Variants in SLC24A2 observed in about 807,000 individuals in gnomAD.
The protein encoded by SLC24A2 is solute carrier family 24 member 2.
A neutral mutation model predicts 62.0 loss-of-function variants in SLC24A2; 36 were observed. That is an observed-to-expected ratio of 0.58 (90% CI 0.44 to 0.77). SLC24A2 has a LOEUF of 0.77. Ranked by LOEUF, SLC24A2 falls within the 30% of genes least tolerant of loss-of-function variation. The pLI, the probability that SLC24A2 is intolerant of heterozygous loss-of-function variation, is 0.00. For missense variants in SLC24A2, 846 were observed against 817.9 expected (o/e 1.03, Z -0.42); for synonymous variants, 358 against 294.0 (o/e 1.22, Z -2.23).
the SLC24A2 span, among the ~76,000 whole-genome samples, chr9:20,274,337 C>T: frequency 2.0e-5 from 3 of 152,000 alleles, no homozygotes; most frequent in African/African-American, 7.2e-5. Context: ...GGTGAGGAGC[C>T]AAGATTATGA....
the SLC24A2 span, among the ~76,000 whole-genome samples, chr9:20,232,179 T>C: frequency 3.3e-5 from 5 of 152,220 alleles, no homozygotes; most frequent in African/African-American, 1.2e-4. Flanking sequence ...TCATCAAGGA[T>C]ATTGGTCTAA....
At chr9:19,874,081 T>C in the SLC24A2 span, among the ~76,000 whole-genome samples, 2,965 of 129,718 alleles carry the variant, frequency 0.023, 46 homozygotes, top group African/African-American at 0.09. Context: ...TTTTCTTTTT[T>C]TTTTTTTTTT....
intron 2 of SLC24A2, among the ~76,000 whole-genome samples, chr9:19,669,539 T>C (rs1312748639): frequency 6.6e-6 from 1 of 152,242 alleles, no homozygotes; most frequent in Non-Finnish European, 1.5e-5. Flanking sequence ...GAATCTTACA[T>C]GGATCTCACT....
chr9:19,871,087 G>A, the SLC24A2 span, among the ~76,000 whole-genome samples: 1 of 151,952 alleles, frequency 6.6e-6, no homozygotes, highest in South Asian at 2.1e-4. Flanking sequence ...AGACACCTGT[G>A]TTTTTTCCAA....
the SLC24A2 span, among the ~76,000 whole-genome samples, chr9:19,871,698 T>C: frequency 1.2e-4 from 19 of 152,306 alleles, no homozygotes; most frequent in African/African-American, 3.8e-4. Flanking sequence ...TGTTTTACTT[T>C]GTGTAAAAAT....
In SLC24A2 at chr9:19,573,427, A is replaced by T. The variant is rs577006131; in HGVS notation, c.1271T>A (p.Met424Lys). 8.1e-6 allele frequency: 13 copies of T among 1,612,838 alleles called. No individual in the cohort carries two copies. The highest frequency in any genetic ancestry group is 9.3e-6 in the Non-Finnish European group (11 of 1,179,418). ...TTCTGAAGCATCACTGGATGGTGTC[A>T]TTTCAACATCTGTGCTGGTGCTGTT... ...LPNSTSTDVE[M>K]TPSSDASEPV... is the part of the protein sequence containing the mutation. The change falls in exon 7 of 11, where the codon ATG becomes AAG. Residue 424 changes from methionine to lysine, a missense_variant. By Grantham distance (95) the Met-to-Lys change is moderately conservative. Coordinates refer to ENST00000341998, the MANE Select transcript of SLC24A2 (RefSeq NM_020344.4).
intron 9 of SLC24A2, among the ~76,000 whole-genome samples, chr9:19,522,229 G>A (rs1833238624): frequency 6.6e-6 from 1 of 152,038 alleles, no homozygotes; most frequent in Non-Finnish European, 1.5e-5. Context: ...TGAACTCTCG[G>A]CCTCGAGATC....
the SLC24A2 span, among the ~76,000 whole-genome samples, chr9:20,098,822 C>G: frequency 1.3e-5 from 2 of 152,226 alleles, no homozygotes; most frequent in South Asian, 2.1e-4. Flanking sequence ...GGAAAAATCT[C>G]TCACAGTTTC....
At chr9:19,974,940 C>A in the SLC24A2 span, among the ~76,000 whole-genome samples, 1 of 152,164 alleles carries the variant, frequency 6.6e-6, no homozygotes, top group Non-Finnish European at 1.5e-5. Context: ...ACTCATATGG[C>A]AGTGTCCTAA....
the SLC24A2 span, among the ~76,000 whole-genome samples, chr9:19,891,799 C>T: frequency 6.6e-6 from 1 of 152,082 alleles, no homozygotes; most frequent in East Asian, 1.9e-4. Context: ...GAGAGCTGAA[C>T]TAAGAGAGCA....
At chr9:19,873,353 T>A in the SLC24A2 span, among the ~76,000 whole-genome samples, 1 of 151,642 alleles carries the variant, frequency 6.6e-6, no homozygotes, top group African/African-American at 2.4e-5. Context: ...TTCCTTTCTT[T>A]CCTTCCTTCT....
chr9:19,998,011 C>T, the SLC24A2 span, among the ~76,000 whole-genome samples: 1 of 152,096 alleles, frequency 6.6e-6, no homozygotes, highest in African/African-American at 2.4e-5. Flanking sequence ...AAAGCCAATA[C>T]TATTAAGGAT....
the SLC24A2 span, among the ~76,000 whole-genome samples, chr9:19,829,795 G>A: frequency 5.5e-5 from 2 of 36,132 alleles, no homozygotes; most frequent in African/African-American, 1.4e-4. Context: ...GTGTGTGTGT[G>A]TGTATATATA....
the SLC24A2 span, among the ~76,000 whole-genome samples, chr9:19,814,352 A>C: frequency 6.6e-6 from 1 of 152,112 alleles, no homozygotes; most frequent in Non-Finnish European, 1.5e-5. Flanking sequence ...TCATGGAAGG[A>C]TAGGGAGTGG....
the SLC24A2 span, among the ~76,000 whole-genome samples, chr9:20,123,609 G>A: frequency 1.3e-5 from 2 of 152,204 alleles, no homozygotes; most frequent in Admixed American, 6.5e-5. Flanking sequence ...TTCTATAACT[G>A]TACAATAGAA....
chr9:19,621,412 G>A (rs1454002781), intron 3 of SLC24A2, among the ~76,000 whole-genome samples: 2 of 152,210 alleles, frequency 1.3e-5, no homozygotes, highest in African/African-American at 4.8e-5. Context: ...AGCATTACAG[G>A]AGGAAGGACA....
At chr9:19,811,032 C>T in the SLC24A2 span, among the ~76,000 whole-genome samples, 8 of 152,116 alleles carry the variant, frequency 5.3e-5, no homozygotes, top group African/African-American at 1.2e-4. Flanking sequence ...AAATAAGTTA[C>T]GGACTGAATG....
chr9:20,273,991 TGAGA>T, the SLC24A2 span, among the ~76,000 whole-genome samples: 1 of 152,240 alleles, frequency 6.6e-6, no homozygotes, highest in Non-Finnish European at 1.5e-5. Context: ...TTGTGATGGA[TGAGA>T]GAAAGATATG....
chr9:19,990,922 G>GATATATATATATATATATACATATATAT, the SLC24A2 span, among the ~76,000 whole-genome samples: 1 of 120,812 alleles, frequency 8.3e-6, no homozygotes, highest in African/African-American at 3.6e-5. Flanking sequence ...GGACTAATAG[G>GATATATATATATATATATACATATATAT]ATATATATAT....
Sources: allele counts gnomAD v4.1 joint callset (sites outside exome capture counted in the v4.1 genomes callset), GRCh38; gene constraint gnomAD v4.1.1; transcripts MANE v1.5; gene names NCBI Gene and HGNC (gene_info 2026-07-23, HGNC 2026-07-21).